ADH6: variants seen among roughly 807,000 people sequenced by gnomAD.
The protein encoded by ADH6 is alcohol dehydrogenase 6.
ADH6 carries 34 observed loss-of-function variants against 36.5 expected under a neutral mutation model. The ratio of observed to expected loss-of-function variants is 0.93; its 90% CI spans 0.71 to 1.24. ADH6 has a LOEUF of 1.24. Ranked by LOEUF, ADH6 falls within the 50% of genes most tolerant of loss-of-function variation. The probability of loss-of-function intolerance (pLI) is 0.00; values close to 1 mark genes in which losing one functional copy is unlikely to be tolerated. For missense variants in ADH6, 440 were observed against 447.0 expected, an observed-to-expected ratio of 0.98 and a Z score of 0.14; for synonymous variants, 161 against 155.5, an observed-to-expected ratio of 1.04 and a Z score of -0.26.
chr4:99,204,434 A>G, intron 8 of ADH6, 191 bp from the exon 9 acceptor site: 1 of 1,403,088 alleles, frequency 7.1e-7, no homozygotes. Flanking sequence ...AAAAGTAGGT[A>G]AGCAAGCTTA....
chr4:99,204,292 A>G (rs1007071027), intron 8 of ADH6, 49 bp from the exon 9 acceptor site: 9 of 1,588,774 alleles, frequency 5.7e-6, no homozygotes, highest in Non-Finnish European at 6.0e-6. Flanking sequence ...TTAGAGCAAC[A>G]TTTGTGTTTT....
At position 99,203,364 on chromosome 4, in the gene ADH6, G is replaced by T. The variant is rs551521624; in HGVS notation, c.*855C>A. ...GAGGGGCTGGGGCAGAAAGTCAAAG[G>T]GTCGGGGTAGAAGGATTGGATGCCA... On this transcript the variant is annotated 3_prime_UTR_variant, in exon 9 of 9. Coordinates refer to ENST00000394899, the MANE Select transcript of ADH6 (RefSeq NM_001102470.2). 6.6e-6 allele frequency: 1 copy of T among 152,054 alleles called. No individual in the cohort carries two copies. Among genetic ancestry groups the T allele is most frequent in the Non-Finnish European group, 1.5e-5 (1 of 68,032 alleles). 9.4% of individuals were successfully genotyped at this position (152,054 alleles called of 1,614,324 possible). A position where few individuals can be genotyped will look rare whatever the true frequency, so the allele number is the denominator to read the frequency against.
chr4:99,204,072 G>A lies in ADH6; in HGVS notation c.*147C>T. 3 of 927,766 alleles carry A rather than the reference G, an allele frequency of 3.2e-6. No homozygotes were observed. The highest frequency in any genetic ancestry group is 3.0e-5 in the Admixed American group (1 of 33,062). The allele number at this position is 927,766 out of a possible 1,614,324, so 57.5% of individuals were successfully genotyped here. On this transcript the variant is annotated 3_prime_UTR_variant, in exon 9 of 9. Coordinates refer to ENST00000394899, the MANE Select transcript of ADH6 (RefSeq NM_001102470.2). Reference sequence around the variant, plus strand: ...TTTTGATGAAATGGTTAGGTCAGAAGCCAGATATAGGTCCACTGCGGAGTG... The same window carrying A: ...TTTTGATGAAATGGTTAGGTCAGAAACCAGATATAGGTCCACTGCGGAGTG...
chr4:99,215,576 C>T (rs536348751), intron 2 of ADH6, among the ~76,000 whole-genome samples: 1 of 152,300 alleles, frequency 6.6e-6, no homozygotes, highest in African/African-American at 2.4e-5. Context: ...TCATCTCCTG[C>T]ACTCAAGCAA....
At chr4:99,210,706 C>G in intron 3 of ADH6, among the ~76,000 whole-genome samples, 1 of 152,168 alleles carries the variant, frequency 6.6e-6, no homozygotes, top group South Asian at 2.1e-4. Flanking sequence ...CAGCCCTGGG[C>G]TCAGTGGCTG....
At chr4:99,210,588 C>A in intron 3 of ADH6, 86 bp from the exon 4 acceptor site, 2 of 1,048,486 alleles carry the variant, frequency 1.9e-6, no homozygotes, top group South Asian at 1.4e-5. Flanking sequence ...CAGCAAGGCA[C>A]CCAAGAAGAA....
Position 99,210,490 on chromosome 4 carries a change from A to G in ADH6, c.275T>C (p.Ile92Thr), listed in dbSNP as rs1246081788. ...VSTVKPGDKV[I>T]TLFLPQCGEC... The stretch of plus-strand genomic sequence containing the variant: ...TCCACACTGTGGCAGAAAGAGTGTG[A>G]TAACTTTGTCACCTAAAAGAGCAAA... The change falls in exon 4 of 9, where the codon ATC becomes ACC. Residue 92 changes from isoleucine to threonine, a missense_variant. Ile to Thr is a moderately conservative substitution (Grantham distance 89). Coordinates refer to ENST00000394899, the MANE Select transcript of ADH6 (RefSeq NM_001102470.2). 2.5e-6 allele frequency: 4 copies of G among 1,610,536 alleles called. No homozygotes were observed. In the African/African-American group the frequency reaches 5.3e-5, roughly 22 times the overall value.
chr4:99,209,056 A>T, intron 5 of ADH6, 128 bp from the exon 6 acceptor site: 1 of 978,506 alleles, frequency 1.0e-6, no homozygotes, highest in Admixed American at 2.7e-5. Flanking sequence ...ATGTTTACAT[A>T]CATAACATAT....
Position 99,208,840 on chromosome 4 carries a change from C to G in ADH6, c.656G>C (p.Arg219Thr). 1 of 1,613,782 alleles carries G rather than the reference C, an allele frequency of 6.2e-7. No homozygotes were observed. The change falls in exon 6 of 9, where the codon AGG (arginine) becomes ACG (threonine). Residue 219 changes from arginine to threonine, a missense_variant. By Grantham distance (71) the Arg-to-Thr change is moderately conservative. Coordinates refer to ENST00000394899, the MANE Select transcript of ADH6 (RefSeq NM_001102470.2). ...VMGCKAAGAARIIGVDVNKEK... is the reference protein window; with the variant it reads ...VMGCKAAGAATIIGVDVNKEK... Reference sequence around the variant, plus strand: ...CTTGTTGACATCCACTCCAATGATCCTGGCTGCTCCTGCTGCTTTACAACC... The same window carrying G: ...CTTGTTGACATCCACTCCAATGATCGTGGCTGCTCCTGCTGCTTTACAACC...
chr4:99,214,462 A>G (rs1442116731), intron 2 of ADH6, among the ~76,000 whole-genome samples: 1 of 152,212 alleles, frequency 6.6e-6, no homozygotes, highest in Non-Finnish European at 1.5e-5. Flanking sequence ...TTATAATTTA[A>G]TTAAAACCTT....
chr4:99,215,123 A>G (rs1731358114), intron 2 of ADH6, among the ~76,000 whole-genome samples: 1 of 152,112 alleles, frequency 6.6e-6, no homozygotes, highest in South Asian at 2.1e-4. Flanking sequence ...AATGTCTTTG[A>G]GTGAGGGTCC....
intron 1 of ADH6, among the ~76,000 whole-genome samples, chr4:99,217,460 A>G (rs1327259756): frequency 6.6e-6 from 1 of 152,180 alleles, no homozygotes; most frequent in Non-Finnish European, 1.5e-5. Flanking sequence ...ATGCGTAAGA[A>G]CATGTGATAT....
At position 99,205,903 on chromosome 4, in the gene ADH6, ACTT is replaced by A. The variant is rs951626247; in HGVS notation, c.965-843_965-841del. 7.9e-5 allele frequency among the ~76,000 whole-genome samples: 12 copies of A among 152,088 alleles called. No individual in the cohort carries two copies. The South Asian group carries it at 1.4e-3, about 18-fold the overall frequency. The stretch of plus-strand genomic sequence containing the variant: ...GTTCTAGCTTAGGTTAGGCTCCCCA[ACTT>A]CTTCTCCAAACTACCACAAACTCTT... On this transcript the variant is annotated intron_variant, in intron 7 of 8. Transcript: ENST00000394899.
In ADH6 at chr4:99,203,025, G is replaced by A; in HGVS notation, c.*1194C>T. 1 of 386,654 alleles carries A rather than the reference G, an allele frequency of 2.6e-6. No individual in the cohort carries two copies. The highest frequency in any genetic ancestry group is 4.6e-6 in the Non-Finnish European group (1 of 218,770). The allele number at this position is 386,654 out of a possible 1,614,324, so 24.0% of individuals were successfully genotyped here. On this transcript the variant is annotated 3_prime_UTR_variant, in exon 9 of 9. Transcript: ENST00000394899. ...ATCATGTGAAAACCATGATGGGAGA[G>A]AGAGACTGAGGGTGCAGCCCACCTT...
At chr4:99,206,434 T>C (rs1731036147) in intron 7 of ADH6, among the ~76,000 whole-genome samples, 1 of 152,118 alleles carries the variant, frequency 6.6e-6, no homozygotes, top group African/African-American at 2.4e-5. Flanking sequence ...GCTGAGTATG[T>C]GTATTTTGAA....
In ADH6 at chr4:99,204,449, C is replaced by T. The variant is rs909563057; in HGVS notation, c.1104-206G>A. 6.6e-6 allele frequency: 9 copies of T among 1,361,478 alleles called. No individual in the cohort carries two copies. The East Asian group carries it at 8.5e-5, about 13-fold the overall frequency. The allele number at this position is 1,361,478 out of a possible 1,614,324, so 84.3% of individuals were successfully genotyped here. On this transcript the variant is annotated intron_variant, in intron 8 of 8. Coordinates refer to ENST00000394899, the MANE Select transcript of ADH6 (RefSeq NM_001102470.2). ...AAAAGTAGGTAAGCAAGCTTATACT[C>T]GTGTGGGGAATGCCAGTTTCTGGGT...
intron 3 of ADH6, among the ~76,000 whole-genome samples, chr4:99,210,982 G>C (rs1358889818): frequency 6.6e-6 from 1 of 152,058 alleles, no homozygotes; most frequent in Non-Finnish European, 1.5e-5. Flanking sequence ...AGAGATCAAA[G>C]GTAGGCAGAT....
At chr4:99,208,102 G>C (rs540351154) in intron 6 of ADH6, among the ~76,000 whole-genome samples, 1 of 152,172 alleles carries the variant, frequency 6.6e-6, no homozygotes, top group Admixed American at 6.5e-5. Context: ...TTTTTATGCT[G>C]GGAAAAGGGC....
At chr4:99,207,425 C>A in intron 7 of ADH6, 21 bp downstream of exon 7, 1 of 1,612,424 alleles carries the variant, frequency 6.2e-7, no homozygotes, top group Non-Finnish European at 8.5e-7. Flanking sequence ...GCATTTCCAC[C>A]TTTCCCTGCT....
Sources: gnomAD v4.1 joint callset for allele counts (sites outside exome capture counted in the v4.1 genomes callset) on GRCh38, gnomAD v4.1.1 for gene constraint, MANE v1.5 for transcripts, NCBI Gene and HGNC (gene_info 2026-07-23, HGNC 2026-07-21) for gene names.